Variants in ERI1 observed in about 807,000 individuals in gnomAD.
The protein encoded by ERI1 is exoribonuclease 1.
ERI1 carries 39 observed loss-of-function variants against 39.7 expected under a neutral mutation model. The ratio of observed to expected loss-of-function variants is 0.98; its 90% CI spans 0.76 to 1.28. ERI1 has a LOEUF of 1.28. Among genes scored for constraint, ERI1 ranks in the 50% most tolerant of loss-of-function variants. The pLI, the probability that ERI1 is intolerant of heterozygous loss-of-function variation, is 0.00. For missense variants in ERI1, 581 were observed against 416.9 expected, an observed-to-expected ratio of 1.39 and a Z score of -3.43; for synonymous variants, 204 against 149.6, an observed-to-expected ratio of 1.36 and a Z score of -2.65.
intron 3 of ERI1, among the ~76,000 whole-genome samples, chr8:9,088,268 A>T (rs1203476517): frequency 7.1e-6 from 1 of 140,264 alleles, no homozygotes; most frequent in East Asian, 2.0e-4. Flanking sequence ...TCTGTAAATT[A>T]AAAAAAAAAA....
Position 9,003,037 on chromosome 8 carries a change from C to G in ERI1, c.-27C>G. 3.3e-6 allele frequency: 4 copies of G among 1,221,766 alleles called. No individual in the cohort carries two copies. The highest frequency in any genetic ancestry group is 4.1e-6 in the Non-Finnish European group (4 of 965,304). 75.7% of individuals were successfully genotyped at this position (1,221,766 alleles called of 1,614,324 possible). A position where few individuals can be genotyped will look rare whatever the true frequency, so the allele number is the denominator to read the frequency against. On this transcript the variant is annotated 5_prime_UTR_variant, in exon 1 of 7. Transcript: ENST00000250263. Reference sequence around the variant, plus strand: ...AGAGTTAGCAAGTGTCCGGCTCCAGCAACTCTCCTCTGGCGTGACAGCCGG... The same window carrying G: ...AGAGTTAGCAAGTGTCCGGCTCCAGGAACTCTCCTCTGGCGTGACAGCCGG...
intron 1 of ERI1, 101 bp from the exon 2 acceptor site, chr8:9,007,869 G>A: frequency 1.4e-6 from 2 of 1,465,092 alleles, no homozygotes; most frequent in East Asian, 2.5e-5. Flanking sequence ...AGCATGAAGA[G>A]GCTTCAGAAG....
At chr8:9,094,891 T>C (rs1799826021) in intron 3 of ERI1, among the ~76,000 whole-genome samples, 1 of 152,168 alleles carries the variant, frequency 6.6e-6, no homozygotes, top group South Asian at 2.1e-4. Flanking sequence ...GTAGCTAGTA[T>C]GTATATGTGT....
intron 5 of ERI1, among the ~76,000 whole-genome samples, chr8:9,018,647 G>A (rs1817556481): frequency 6.6e-6 from 1 of 152,086 alleles, no homozygotes; most frequent in South Asian, 2.1e-4. Context: ...AAAAGACTTT[G>A]CTAAAACTCT....
intron 3 of ERI1, among the ~76,000 whole-genome samples, chr8:9,043,188 C>T (rs1036223905): frequency 4.6e-5 from 7 of 152,226 alleles, no homozygotes; most frequent in Non-Finnish European, 8.8e-5. Flanking sequence ...CAAACCATTT[C>T]TGACATCCTT....
At chr8:9,047,271 G>T (rs1006948963) in intron 3 of ERI1, among the ~76,000 whole-genome samples, 1 of 152,166 alleles carries the variant, frequency 6.6e-6, no homozygotes, top group Non-Finnish European at 1.5e-5. Flanking sequence ...TGCCTTTCGG[G>T]TGAGTTGGTG....
chr8:9,089,638 T>A (rs1256952641), intron 3 of ERI1, among the ~76,000 whole-genome samples: 4 of 151,818 alleles, frequency 2.6e-5, no homozygotes, highest in Non-Finnish European at 4.4e-5. Context: ...CTGGTCACCA[T>A]CAAAGTCCTG....
intron 3 of ERI1, among the ~76,000 whole-genome samples, chr8:9,015,370 A>C (rs867433992): frequency 3.9e-5 from 6 of 152,154 alleles, no homozygotes; most frequent in Admixed American, 1.3e-4. Flanking sequence ...AATTGTCCTT[A>C]ATCTCAAAAT....
chr8:9,049,251 G>A lies in ERI1; in HGVS notation n.299+28787G>A, dbSNP rs534842142. Among the ~76,000 whole-genome samples the A allele has an allele frequency of 1.1e-4, 16 of 142,564 alleles. No individual in the cohort carries two copies. The East Asian group carries it at 2.9e-3, about 26-fold the overall frequency. The allele number at this position is 142,564 out of a possible 152,430, so 93.5% of individuals were successfully genotyped here. ...CTCAGGAGACTGAGGCAGGAGAATC[G>A]CTTGAACTGAGGAGGCAGAGCTTGC... On this transcript the variant is annotated intron_variant and non_coding_transcript_variant, in intron 3 of 3. Coordinates refer to the ERI1 transcript ENST00000518663.
At position 9,030,729 on chromosome 8, in the gene ERI1, G is replaced by A. The variant is rs1313113893; in HGVS notation, c.*695G>A. 6.6e-6 allele frequency: 1 copy of A among 152,054 alleles called. No individual in the cohort carries two copies. The highest frequency in any genetic ancestry group is 1.5e-5 in the Non-Finnish European group (1 of 68,000). The allele number at this position is 152,054 out of a possible 1,614,324, so 9.4% of individuals were successfully genotyped here. On this transcript the variant is annotated 3_prime_UTR_variant, in exon 7 of 7. Coordinates refer to ENST00000250263, the MANE Select transcript of ERI1 (RefSeq NM_153332.4). ...CAAACTTCATAATACATAAATCACTGGGGTCTTTTTGGATTTGGTTGTTTG... is the reference window on the plus strand; with the variant it reads ...CAAACTTCATAATACATAAATCACTAGGGTCTTTTTGGATTTGGTTGTTTG...
At chr8:9,020,801 T>A (rs979780762) in intron 6 of ERI1, among the ~76,000 whole-genome samples, 1 of 152,214 alleles carries the variant, frequency 6.6e-6, no homozygotes, top group African/African-American at 2.4e-5. Context: ...GCCGTGTAAA[T>A]GTTTAAAATA....
In ERI1 at chr8:9,006,449, A is replaced by G. The variant is rs536091503; in HGVS notation, c.109-1521A>G. On this transcript the variant is annotated intron_variant, in intron 1 of 6. Coordinates refer to ENST00000250263, the MANE Select transcript of ERI1 (RefSeq NM_153332.4). ...GAAAGAGGATTTATCCAAAGAGAAAATCTGCTTAAATTAACTGAGACATCT... is the reference window on the plus strand; with the variant it reads ...GAAAGAGGATTTATCCAAAGAGAAAGTCTGCTTAAATTAACTGAGACATCT... 2.6e-5 allele frequency among the ~76,000 whole-genome samples: 4 copies of G among 152,366 alleles called. No individual in the cohort carries two copies. The South Asian group carries it at 6.2e-4, about 24-fold the overall frequency.
chr8:9,076,474 C>G lies in ERI1; in HGVS notation n.300-39874C>G, dbSNP rs544667804. Among the ~76,000 whole-genome samples the G allele has an allele frequency of 5.9e-5, 9 of 152,186 alleles. No homozygotes were observed. The South Asian group carries it at 1.9e-3, about 32-fold the overall frequency. On this transcript the variant is annotated intron_variant and non_coding_transcript_variant, in intron 3 of 3. Coordinates refer to the ERI1 transcript ENST00000518663. ...CAAGGTGCCAACATGTAAATGATAC[C>G]ATAGACAAGTGAGAACTCATCTGGG...
intron 3 of ERI1, among the ~76,000 whole-genome samples, chr8:9,014,964 A>C (rs909787682): frequency 2.0e-5 from 3 of 152,074 alleles, no homozygotes; most frequent in Non-Finnish European, 4.4e-5. Context: ...CAGCTCCTTG[A>C]GTAGTTGGAA....
At position 9,030,032 on chromosome 8, in the gene ERI1, TAAC is replaced by T. The variant is rs66532380; in HGVS notation, c.*3_*5del. ...ACCACAAATGCCACATTTTAGAAAG[TAAC>T]AACAGTTTTGTGTGTGGATCATTCC... On this transcript the variant is annotated stop_retained_variant and 3_prime_UTR_variant, in exon 7 of 7. Transcript: ENST00000250263. 0.45 allele frequency: 722,154 copies of T among 1,611,788 alleles called. 169,404 individuals carry two copies. The highest frequency in any genetic ancestry group is 0.68 in the East Asian group (30,542 of 44,792).
chr8:9,023,669 T>C (rs878978369), intron 6 of ERI1, among the ~76,000 whole-genome samples: 1 of 148,174 alleles, frequency 6.7e-6, no homozygotes, highest in Non-Finnish European at 1.5e-5. Context: ...ATGTTTTCCT[T>C]CTTTTTTTGT....
chr8:9,081,229 C>T (rs1160516212), intron 3 of ERI1, among the ~76,000 whole-genome samples: 1 of 152,178 alleles, frequency 6.6e-6, no homozygotes, highest in Non-Finnish European at 1.5e-5. Context: ...CCTCTGTTGA[C>T]ACATGGGGAT....
downstream of ERI1, among the ~76,000 whole-genome samples, chr8:9,034,611 CTG>C (rs554249201): frequency 3.9e-5 from 6 of 152,102 alleles, no homozygotes; most frequent in Admixed American, 3.9e-4. Flanking sequence ...TGATAAATGT[CTG>C]TGTTTTCCCC....
downstream of ERI1, among the ~76,000 whole-genome samples, chr8:9,038,086 T>C (rs1391330065): frequency 6.6e-6 from 1 of 152,198 alleles, no homozygotes; most frequent in Non-Finnish European, 1.5e-5. Context: ...ATAGTATAAA[T>C]ATTGACATTT....
Sources: allele counts gnomAD v4.1 joint callset (sites outside exome capture counted in the v4.1 genomes callset), GRCh38; gene constraint gnomAD v4.1.1; transcripts MANE v1.5; gene names NCBI Gene and HGNC (gene_info 2026-07-23, HGNC 2026-07-21).